The following HNRNPC variants were observed in gnomAD, a reference collection of about 807,000 sequenced individuals.
HNRNPC encodes the protein heterogeneous nuclear ribonucleoproteins C1/C2.
HNRNPC carries 3 observed loss-of-function variants against 33.2 expected under a neutral mutation model. The observed-to-expected ratio is 0.09, with a 90% CI of 0.04 to 0.23. The LOEUF (loss-of-function observed/expected upper bound fraction) is 0.23. Among genes scored for constraint, HNRNPC ranks in the 10% least tolerant of loss-of-function variants. The pLI is 1.00. For missense variants in HNRNPC, 143 were observed against 366.7 expected, an observed-to-expected ratio of 0.39 and a Z score of 4.98; for synonymous variants, 121 against 126.7, an observed-to-expected ratio of 0.96 and a Z score of 0.30.
chr14:21,211,979 G>T, intron 6 of HNRNPC, 56 bp from the exon 7 acceptor site: 2 of 1,318,706 alleles, frequency 1.5e-6, no homozygotes, highest in Non-Finnish European at 1.1e-6. Flanking sequence ...ATATGAGTTA[G>T]CAAATACACT....
intron 1 of HNRNPC, among the ~76,000 whole-genome samples, chr14:21,265,955 C>A (rs1211550936): frequency 3.9e-5 from 6 of 152,170 alleles, no homozygotes; most frequent in African/African-American, 1.4e-4. Context: ...ACTCTCAGGG[C>A]CCACCCCAGA....
At chr14:21,251,479 G>C (rs1037759455) in intron 2 of HNRNPC, among the ~76,000 whole-genome samples, 2 of 151,960 alleles carry the variant, frequency 1.3e-5, no homozygotes, top group African/African-American at 2.4e-5. Context: ...AGGAGTTCCA[G>C]ACCAGCCTGG....
intron 5 of HNRNPC, among the ~76,000 whole-genome samples, chr14:21,218,765 C>G (rs1892510261): frequency 6.8e-6 from 1 of 147,166 alleles, no homozygotes; most frequent in South Asian, 2.2e-4. Flanking sequence ...TTTGGAAGGC[C>G]AAGGCAGGCA....
At chr14:21,245,084 C>CA (rs71112560) in intron 2 of HNRNPC, among the ~76,000 whole-genome samples, 3,695 of 53,870 alleles carry the variant, frequency 0.069, 183 homozygotes, top group African/African-American at 0.092. Flanking sequence ...GACTCCATCT[C>CA]AAAAAAAAAA....
chr14:21,224,428 ACT>A (rs568335649), intron 5 of HNRNPC, among the ~76,000 whole-genome samples: 46 of 152,240 alleles, frequency 3.0e-4, no homozygotes, highest in African/African-American at 1.1e-3. Flanking sequence ...GACAGCACAA[ACT>A]CTGTGAAACC....
At chr14:21,233,679 GGCAAC>G (rs1477861105) in intron 3 of HNRNPC, among the ~76,000 whole-genome samples, 1 of 152,114 alleles carries the variant, frequency 6.6e-6, no homozygotes, top group African/African-American at 2.4e-5. Context: ...CAACCATTTA[GGCAAC>G]GTTTTTACAT....
intron 5 of HNRNPC, among the ~76,000 whole-genome samples, chr14:21,229,428 A>C (rs965700511): frequency 3.9e-5 from 6 of 151,956 alleles, no homozygotes; most frequent in Non-Finnish European, 8.8e-5. Flanking sequence ...AAACATTTTG[A>C]TGATGCATTA....
chr14:21,232,202 T>C (rs1894194062), intron 3 of HNRNPC, among the ~76,000 whole-genome samples: 2 of 152,128 alleles, frequency 1.3e-5, no homozygotes, highest in African/African-American at 2.4e-5. Context: ...AAAAAGCCCA[T>C]GTCAAAAAGC....
At chr14:21,239,710 C>A (rs1240483912) in intron 2 of HNRNPC, among the ~76,000 whole-genome samples, 1 of 151,984 alleles carries the variant, frequency 6.6e-6, no homozygotes, top group Non-Finnish European at 1.5e-5. Flanking sequence ...CCGGTCTCTA[C>A]TAAAAATACA....
intron 6 of HNRNPC, among the ~76,000 whole-genome samples, chr14:21,212,567 G>C (rs1317199777): frequency 2.0e-5 from 3 of 150,438 alleles, no homozygotes; most frequent in African/African-American, 7.3e-5. Flanking sequence ...TTCTTGAGAT[G>C]GAGTTTTGCT....
chr14:21,247,172 A>G (rs1315314380), intron 2 of HNRNPC, among the ~76,000 whole-genome samples: 2 of 152,138 alleles, frequency 1.3e-5, no homozygotes, highest in African/African-American at 4.8e-5. Context: ...CCTAACCTCT[A>G]TGTTTTGACA....
chr14:21,225,472 C>T (rs1388663884), intron 5 of HNRNPC, among the ~76,000 whole-genome samples: 2 of 151,590 alleles, frequency 1.3e-5, no homozygotes, highest in Non-Finnish European at 2.9e-5. Context: ...TGAGACGACT[C>T]AAGAAAAGAG....
In HNRNPC at chr14:21,269,285, C is replaced by T. The variant is rs889365570; in HGVS notation, c.-63+13G>A. On this transcript the variant is annotated intron_variant, in intron 1 of 8. Coordinates refer to ENST00000553300, the MANE Select transcript of HNRNPC (RefSeq NM_004500.4). ...AACCCAGCGCCTTCCCTGCGTCCGC[C>T]CTCTCCACTTACCAAGAAGGGGAGG... 7 of 152,722 alleles carry T rather than the reference C, an allele frequency of 4.6e-5. No individual in the cohort carries two copies. Among genetic ancestry groups the T allele is most frequent in the Non-Finnish European group, 1.0e-4 (7 of 68,074 alleles). The allele number at this position is 152,722 out of a possible 1,614,324, so 9.5% of individuals were successfully genotyped here. A position where few individuals can be genotyped will look rare whatever the true frequency, so the allele number is the denominator to read the frequency against.
At chr14:21,229,255 T>G (rs1034452933) in intron 5 of HNRNPC, among the ~76,000 whole-genome samples, 2 of 150,580 alleles carry the variant, frequency 1.3e-5, no homozygotes, top group Non-Finnish European at 3.0e-5. Flanking sequence ...CCGGGTGTGG[T>G]GGCGGGCGCC....
chr14:21,221,247 C>A (rs1892795591), intron 5 of HNRNPC, among the ~76,000 whole-genome samples: 2 of 152,220 alleles, frequency 1.3e-5, no homozygotes, highest in South Asian at 4.1e-4. Context: ...TCTACAACTG[C>A]AGTCTGGGTT....
At chr14:21,222,338 C>G (rs1457630110) in intron 5 of HNRNPC, among the ~76,000 whole-genome samples, 1 of 152,126 alleles carries the variant, frequency 6.6e-6, no homozygotes, top group African/African-American at 2.4e-5. Context: ...AAACACATGA[C>G]CACACAAAAA....
At chr14:21,246,427 G>A (rs771097511) in intron 2 of HNRNPC, among the ~76,000 whole-genome samples, 14 of 151,954 alleles carry the variant, frequency 9.2e-5, no homozygotes, top group African/African-American at 2.7e-4. Context: ...TTAGCCGGGC[G>A]TGTTGGCGGG....
At chr14:21,268,449 G>A (rs750864844) in intron 1 of HNRNPC, among the ~76,000 whole-genome samples, 3 of 152,140 alleles carry the variant, frequency 2.0e-5, no homozygotes, top group Admixed American at 6.6e-5. Context: ...GGCAAAGATT[G>A]CAATACAGTA....
At chr14:21,216,985 C>A (rs1892260906) in intron 5 of HNRNPC, among the ~76,000 whole-genome samples, 1 of 152,160 alleles carries the variant, frequency 6.6e-6, no homozygotes, top group South Asian at 2.1e-4. Context: ...TTTCATCTGA[C>A]CATAGCCAAA....
Sources: allele counts gnomAD v4.1 joint callset (sites outside exome capture counted in the v4.1 genomes callset), GRCh38; gene constraint gnomAD v4.1.1; transcripts MANE v1.5; gene names NCBI Gene and HGNC (gene_info 2026-07-23, HGNC 2026-07-21).